Variants in DTWD2 observed in about 807,000 individuals in gnomAD.
DTWD2 encodes the protein DTW motif tRNA-uridine aminocarboxypropyltransferase 2, also known as tRNA-uridine aminocarboxypropyltransferase 2.
DTWD2 carries 39 observed loss-of-function variants against 31.8 expected under a neutral mutation model. The observed-to-expected ratio is 1.22, with a 90% CI of 0.95 to 1.60. The LOEUF is 1.60. DTWD2 is among the 40% of genes most tolerant of loss of function. The pLI, the probability that DTWD2 is intolerant of heterozygous loss-of-function variation, is 0.00. For missense variants in DTWD2, 515 were observed against 381.5 expected (o/e 1.35, Z -2.92); for synonymous variants, 180 against 142.8 (o/e 1.26, Z -1.86).
In DTWD2 at chr5:118,988,486, G is replaced by T. The variant is rs1561484615; in HGVS notation, c.26C>A (p.Thr9Lys). 1 of 1,590,914 alleles carries T rather than the reference G, an allele frequency of 6.3e-7. No homozygotes were observed. Among genetic ancestry groups the T allele is most frequent in the Non-Finnish European group, 8.5e-7 (1 of 1,170,358 alleles). Residue 9 changes from threonine (T) to lysine (K), a missense_variant, in exon 1 of 6, where the codon ACA becomes AAA. Coordinates refer to ENST00000510708, the MANE Select transcript of DTWD2 (RefSeq NM_173666.4). ...AGGCCGCGCAACGGGCTCCTGGAGT[G>T]TTCGTGCCTCTTTCTGCGACTCCAT... is the stretch of plus-strand genomic sequence containing the variant. MESQKEAR[T>K]LQEPVARPSG...
intron 2 of DTWD2, among the ~76,000 whole-genome samples, chr5:118,941,957 G>C: frequency 6.6e-6 from 1 of 152,276 alleles, no homozygotes; most frequent in East Asian, 1.9e-4. Flanking sequence ...TCATGTGTCT[G>C]TTGGCTGCAT....
chr5:118,947,297 C>G (rs1027438207), intron 1 of DTWD2, among the ~76,000 whole-genome samples: 6 of 152,040 alleles, frequency 3.9e-5, no homozygotes, highest in African/African-American at 1.2e-4. Flanking sequence ...TCTTGTTCGG[C>G]GTCCAGTAAA....
At chr5:118,965,055 C>A (rs1344459560) in intron 1 of DTWD2, among the ~76,000 whole-genome samples, 1 of 151,762 alleles carries the variant, frequency 6.6e-6, no homozygotes, top group Admixed American at 6.6e-5. Context: ...CCCCGCCGCC[C>A]CGTCTGGGAT....
intron 1 of DTWD2, among the ~76,000 whole-genome samples, chr5:118,969,610 AAAAC>A (rs1454119331): frequency 6.6e-6 from 1 of 152,250 alleles, no homozygotes; most frequent in Non-Finnish European, 1.5e-5. Context: ...TGTTAAAAGA[AAAAC>A]AAACGAACGG....
At chr5:118,954,239 C>G (rs1323618628) in intron 1 of DTWD2, among the ~76,000 whole-genome samples, 1 of 152,190 alleles carries the variant, frequency 6.6e-6, no homozygotes, top group Non-Finnish European at 1.5e-5. Flanking sequence ...CCACTGTACT[C>G]CAGCCTGGGC....
Position 118,851,893 on chromosome 5 carries a change from G to C in DTWD2, c.598-3675C>G, listed in dbSNP as rs928797598. Among the ~76,000 whole-genome samples the C allele has an allele frequency of 2.6e-5, 4 of 151,892 alleles. No individual in the cohort carries two copies. The Middle Eastern group carries it at 0.01, about 390-fold the overall frequency. The stretch of plus-strand genomic sequence containing the variant: ...GGGTTCAAGAGCATAGAACAGGTCT[G>C]ACCTCAAATTTACCAGGGCTGGGGT... On this transcript the variant is annotated intron_variant, in intron 4 of 5. Coordinates refer to ENST00000510708, the MANE Select transcript of DTWD2 (RefSeq NM_173666.4).
At chr5:118,898,483 C>A (rs1302361413) in intron 4 of DTWD2, among the ~76,000 whole-genome samples, 1 of 151,210 alleles carries the variant, frequency 6.6e-6, no homozygotes, top group Non-Finnish European at 1.5e-5. Flanking sequence ...CATGGTGAAA[C>A]CCCGTCGCTA....
In DTWD2 at chr5:118,840,981, G is replaced by C. The variant is rs142887093; in HGVS notation, c.833C>G (p.Pro278Arg). Residue 278 changes from proline to arginine, a missense_variant, in exon 6 of 6, where the codon CCA (proline) becomes CGA (arginine). Transcript: ENST00000510708. Reference protein sequence around the residue: ...HLLKNGLYPKPMPKNKRKLRK... With the variant: ...HLLKNGLYPKRMPKNKRKLRK... Reference sequence around the variant, plus strand: ...GAGTTTGCGTTTGTTCTTTGGCATTGGTTTAGGATATAATCCATTTTTCAG... The same window carrying C: ...GAGTTTGCGTTTGTTCTTTGGCATTCGTTTAGGATATAATCCATTTTTCAG... 38 of 1,613,650 alleles carry C rather than the reference G, an allele frequency of 2.4e-5. 1 individual carries two copies. Among genetic ancestry groups the C allele is most frequent in the Non-Finnish European group, 3.4e-6 (4 of 1,179,834 alleles).
intron 4 of DTWD2, among the ~76,000 whole-genome samples, chr5:118,923,976 T>C (rs1439709317): frequency 2.0e-5 from 3 of 152,202 alleles, no homozygotes; most frequent in African/African-American, 7.2e-5. Flanking sequence ...GCTGTCATAA[T>C]TGCTGGGAAG....
intron 1 of DTWD2, among the ~76,000 whole-genome samples, chr5:118,966,352 T>C (rs1277728781): frequency 6.6e-6 from 1 of 152,218 alleles, no homozygotes; most frequent in East Asian, 1.9e-4. Flanking sequence ...TATGAGGAAT[T>C]TCTGTATGTT....
At chr5:118,980,389 G>A (rs1755273985) in intron 1 of DTWD2, among the ~76,000 whole-genome samples, 1 of 152,212 alleles carries the variant, frequency 6.6e-6, no homozygotes, top group Non-Finnish European at 1.5e-5. Context: ...ACTCCCTGTT[G>A]TGCCTTGAGT....
At chr5:118,984,362 G>A (rs1326977270) in intron 1 of DTWD2, among the ~76,000 whole-genome samples, 1 of 151,780 alleles carries the variant, frequency 6.6e-6, no homozygotes, top group African/African-American at 2.4e-5. Context: ...TCTGGAGGCT[G>A]AAGCAGGAGA....
rs1755107892 is a variant in DTWD2 at position 118,974,746 on chromosome 5, T to C, written c.218+13548A>G. 32 of 427,924 alleles carry C rather than the reference T, an allele frequency of 7.5e-5. 1 individual carries two copies. The highest frequency in any genetic ancestry group is 5.7e-4 in the South Asian group (30 of 52,336). The allele number at this position is 427,924 out of a possible 1,614,324, so 26.5% of individuals were successfully genotyped here. On this transcript the variant is annotated intron_variant, in intron 1 of 5. Coordinates refer to ENST00000510708, the MANE Select transcript of DTWD2 (RefSeq NM_173666.4). ...TGTTTATTTTTTTTGGCCTGTTTGA[T>C]GTATGTGTGAAACAATGTTGTCCAA...
intron 1 of DTWD2, among the ~76,000 whole-genome samples, chr5:118,968,736 A>G (rs924897483): frequency 6.6e-6 from 1 of 152,220 alleles, no homozygotes; most frequent in Non-Finnish European, 1.5e-5. Flanking sequence ...GGAATTTTGC[A>G]TACTCTGGCC....
At chr5:118,849,286 C>T (rs1182718426) in intron 4 of DTWD2, among the ~76,000 whole-genome samples, 1 of 152,156 alleles carries the variant, frequency 6.6e-6, no homozygotes, top group East Asian at 1.9e-4. Context: ...ATCTCATCAT[C>T]ACTGGTCATT....
chr5:118,973,200 C>T lies in DTWD2; in HGVS notation c.218+15094G>A, dbSNP rs533836529. Among the ~76,000 whole-genome samples the T allele has an allele frequency of 2.0e-5, 3 of 151,550 alleles. No individual in the cohort carries two copies. In the East Asian group the frequency reaches 5.9e-4, roughly 30 times the overall value. On this transcript the variant is annotated intron_variant, in intron 1 of 5. Transcript: ENST00000510708. ...TACAACACACCAATGGGTCTTGACT[C>T]TTTATCCAATTTGCCAGTCTGTGTC...
chr5:118,984,056 G>A (rs1056722838), intron 1 of DTWD2, among the ~76,000 whole-genome samples: 8 of 152,216 alleles, frequency 5.3e-5, no homozygotes, highest in Non-Finnish European at 1.2e-4. Context: ...GGAGGCCAAG[G>A]CAGGCGGATC....
chr5:118,856,413 G>A (rs1225140701), intron 4 of DTWD2, among the ~76,000 whole-genome samples: 1 of 151,794 alleles, frequency 6.6e-6, no homozygotes, highest in Non-Finnish European at 1.5e-5. Flanking sequence ...GAAATATTTG[G>A]GATCTTTAAA....
intron 4 of DTWD2, among the ~76,000 whole-genome samples, chr5:118,899,799 CTTTTTTT>C (rs1163738328): frequency 8.0e-6 from 1 of 124,908 alleles, no homozygotes. Flanking sequence ...TTCGTTTTTT[CTTTTTTT>C]TTTTTTTTTT....
Sources: gnomAD v4.1 joint callset for allele counts (sites outside exome capture counted in the v4.1 genomes callset) on GRCh38, gnomAD v4.1.1 for gene constraint, MANE v1.5 for transcripts, NCBI Gene and HGNC (gene_info 2026-07-23, HGNC 2026-07-21) for gene names.